ARID1B: variants seen among roughly 807,000 people sequenced by gnomAD.
ARID1B encodes the protein AT-rich interactive domain-containing protein 1B.
ARID1B carries 30 observed loss-of-function variants against 212.3 expected under a neutral mutation model. The ratio of observed to expected loss-of-function variants is 0.14; its 90% CI spans 0.11 to 0.19. The LOEUF is 0.19. Among genes scored for constraint, ARID1B ranks in the 10% least tolerant of loss-of-function variants. ARID1B has a pLI of 1.00. For synonymous variants in ARID1B, 1,402 were observed against 1,301.7 expected (o/e 1.08, Z -1.66); for missense variants, 2,891 against 3,204.0 (o/e 0.90, Z 2.36).
At chr6:157,188,104 C>A (rs1027555434) in intron 13 of ARID1B, among the ~76,000 whole-genome samples, 2 of 151,868 alleles carry the variant, frequency 1.3e-5, no homozygotes, top group Admixed American at 1.3e-4. Flanking sequence ...AAAATACCTA[C>A]AATAAGTGTC....
Position 157,184,374 on chromosome 6 carries a change from G to A in ARID1B, c.3858G>A (p.Pro1286=), listed in dbSNP as rs760721516. 12 of 1,614,044 alleles carry A rather than the reference G, an allele frequency of 7.4e-6. No individual in the cohort carries two copies. The Admixed American group carries it at 8.3e-5, about 11-fold the overall frequency. Residue 1286 remains proline (P), a synonymous_variant, in exon 13 of 20, where the codon CCG becomes CCA. Coordinates refer to ENST00000636930, the MANE Select transcript of ARID1B (RefSeq NM_001374828.1). ...AGATCGAACGTGGGGAGGAGCCCCC[G>A]CCGGAAGTCTTCAGCACCGGGGACA... ...ECKIERGEEP[P]PEVFSTGDTK... is the part of the protein sequence containing the mutation.
intron 4 of ARID1B, among the ~76,000 whole-genome samples, chr6:156,957,120 G>A (rs538392220): frequency 6.6e-6 from 1 of 152,326 alleles, no homozygotes; most frequent in South Asian, 2.1e-4. Context: ...TAGATGTAGA[G>A]TTTATCTGTT....
chr6:157,136,547 A>G (rs1010260896), intron 7 of ARID1B, among the ~76,000 whole-genome samples: 1 of 152,254 alleles, frequency 6.6e-6, no homozygotes, highest in African/African-American at 2.4e-5. Context: ...GGAGCAAGAA[A>G]CAGGCATGGA....
At chr6:157,074,803 G>A (rs1051548371) in intron 4 of ARID1B, among the ~76,000 whole-genome samples, 3 of 152,104 alleles carry the variant, frequency 2.0e-5, no homozygotes, top group African/African-American at 4.8e-5. Flanking sequence ...GTCTGGGAAC[G>A]TGCTCCAGGG....
At chr6:156,945,102 T>TA (rs1408548808) in intron 4 of ARID1B, among the ~76,000 whole-genome samples, 9 of 95,158 alleles carry the variant, frequency 9.5e-5, no homozygotes, top group Admixed American at 2.9e-4. Flanking sequence ...TTTTTGTATA[T>TA]TTTTTTTTTT....
At position 157,012,649 on chromosome 6, in the gene ARID1B, A is replaced by T. The variant is rs559261710; in HGVS notation, c.2248-72013A>T. On this transcript the variant is annotated intron_variant, in intron 4 of 19. Transcript: ENST00000636930. The stretch of plus-strand genomic sequence containing the variant: ...GGGCAAGAGACCTAGGCTTTAGTCT[A>T]ATTTCCTCAAATAATTGTACGTGAC... 2.0e-4 allele frequency among the ~76,000 whole-genome samples: 31 copies of T among 152,332 alleles called. 1 individual carries two copies. In the South Asian group the frequency reaches 5.8e-3, roughly 28 times the overall value.
intron 4 of ARID1B, among the ~76,000 whole-genome samples, chr6:157,021,900 C>T (rs1583163839): frequency 1.3e-5 from 2 of 152,254 alleles, no homozygotes; most frequent in South Asian, 2.1e-4. Context: ...GCTACCTCGC[C>T]GCGCGCCCCT....
At chr6:157,024,175 T>C (rs1188029267) in intron 4 of ARID1B, 2 of 152,366 alleles carry the variant, frequency 1.3e-5, no homozygotes, top group East Asian at 1.9e-4. Flanking sequence ...TTGCTTCTTA[T>C]GGCCTTCCTG....
At chr6:157,072,534 T>A (rs901235171) in intron 4 of ARID1B, 1 of 152,214 alleles carries the variant, frequency 6.6e-6, no homozygotes, top group Non-Finnish European at 1.5e-5. Flanking sequence ...TTGATTTTCG[T>A]TCAATCTTTT....
At chr6:157,178,939 C>A (rs1217265637) in intron 11 of ARID1B, among the ~76,000 whole-genome samples, 1 of 152,174 alleles carries the variant, frequency 6.6e-6, no homozygotes, top group Admixed American at 6.5e-5. Context: ...ATGGATCTTA[C>A]AAACAGGATA....
chr6:157,037,048 T>C (rs1781377692), intron 4 of ARID1B, among the ~76,000 whole-genome samples: 1 of 152,230 alleles, frequency 6.6e-6, no homozygotes, highest in African/African-American at 2.4e-5. Context: ...TAGACTGTGG[T>C]AGTATTTTCA....
intron 4 of ARID1B, among the ~76,000 whole-genome samples, chr6:156,983,382 G>A (rs1169299041): frequency 6.6e-6 from 1 of 152,136 alleles, no homozygotes; most frequent in African/African-American, 2.4e-5. Flanking sequence ...GCGACAGAGC[G>A]AGGCTCAGTC....
intron 3 of ARID1B, among the ~76,000 whole-genome samples, chr6:156,921,175 G>A (rs1046198601): frequency 6.6e-6 from 1 of 152,074 alleles, no homozygotes; most frequent in African/African-American, 2.4e-5. Context: ...TAGTCACCTT[G>A]CTTGGAAAGT....
chr6:157,197,264 A>C (rs571323735), intron 16 of ARID1B, among the ~76,000 whole-genome samples: 83 of 152,384 alleles, frequency 5.4e-4, no homozygotes, highest in African/African-American at 2.0e-3. Context: ...CCGGAGCCAC[A>C]GTGTGTGCCA....
At chr6:156,851,872 A>G (rs1364835711) in intron 2 of ARID1B, among the ~76,000 whole-genome samples, 2 of 152,220 alleles carry the variant, frequency 1.3e-5, no homozygotes, top group South Asian at 4.1e-4. Context: ...ATTGACTGGC[A>G]GTAAATTGAT....
In ARID1B at chr6:157,095,451, CT is replaced by C. The variant is rs1304459841; in HGVS notation, c.2491+10547del. The stretch of plus-strand genomic sequence containing the variant: ...CCTGGGGTACCCAAAAAGGTAGAGA[CT>C]GTGAAAAAGAAATGCAAGAAGAAAT... On this transcript the variant is annotated intron_variant, in intron 5 of 19. Transcript: ENST00000636930. 3.3e-5 allele frequency among the ~76,000 whole-genome samples: 5 copies of C among 152,316 alleles called. No individual in the cohort carries two copies. In the East Asian group the frequency reaches 9.6e-4, roughly 29 times the overall value.
intron 5 of ARID1B, among the ~76,000 whole-genome samples, chr6:157,087,734 G>A (rs952259987): frequency 2.6e-5 from 4 of 151,952 alleles, no homozygotes; most frequent in African/African-American, 9.7e-5. Flanking sequence ...GAGGTAGTTC[G>A]GTAGGACTGC....
intron 4 of ARID1B, among the ~76,000 whole-genome samples, chr6:157,033,507 T>C (rs1030248152): frequency 2.0e-5 from 3 of 152,232 alleles, no homozygotes; most frequent in Non-Finnish European, 4.4e-5. Flanking sequence ...AAAAGGACGT[T>C]GAAAGTGAAA....
chr6:156,985,890 C>T (rs1395877883), intron 4 of ARID1B, among the ~76,000 whole-genome samples: 1 of 152,158 alleles, frequency 6.6e-6, no homozygotes. Context: ...ACGCCTGCTT[C>T]TGGGTTTGTT....
Sources: allele counts gnomAD v4.1 joint callset (sites outside exome capture counted in the v4.1 genomes callset), GRCh38; gene constraint gnomAD v4.1.1; transcripts MANE v1.5; gene names NCBI Gene and HGNC (gene_info 2026-07-23, HGNC 2026-07-21).